The following PCDH15 variants were observed in gnomAD, a reference collection of about 807,000 sequenced individuals.
PCDH15 encodes protocadherin-15.
In PCDH15, 129 loss-of-function variants were observed where a neutral mutation model predicts 178.5. The ratio of observed to expected loss-of-function variants is 0.72; its 90% CI spans 0.63 to 0.84. The LOEUF is 0.84. PCDH15 is among the 40% of genes least tolerant of loss of function. PCDH15 has a pLI of 0.00. For missense variants in PCDH15, 2,230 were observed against 2,099.9 expected (o/e 1.06, Z -1.21); for synonymous variants, 800 against 732.0 (o/e 1.09, Z -1.50).
chr10:54,314,903 T>C (rs1399888583), intron 8 of PCDH15, among the ~76,000 whole-genome samples: 1 of 152,330 alleles, frequency 6.6e-6, no homozygotes, highest in East Asian at 1.9e-4. Flanking sequence ...TTCCATGTGG[T>C]ATATGTACAT....
intron 3 of PCDH15, among the ~76,000 whole-genome samples, chr10:54,469,047 G>A (rs538293007): frequency 2.0e-5 from 3 of 152,184 alleles, no homozygotes; most frequent in East Asian, 3.9e-4. Flanking sequence ...CAGGTGAGAT[G>A]TGTTCCTTGT....
chr10:55,506,514 T>C (rs985789075), intron 2 of PCDH15, among the ~76,000 whole-genome samples: 11 of 151,492 alleles, frequency 7.3e-5, no homozygotes, highest in Admixed American at 6.6e-4. Context: ...GTGTATTTGA[T>C]TGGAATACCA....
chr10:54,439,948 A>G (rs1487474940), intron 3 of PCDH15, among the ~76,000 whole-genome samples: 4 of 152,060 alleles, frequency 2.6e-5, no homozygotes, highest in African/African-American at 9.7e-5. Flanking sequence ...TTATCCTTAG[A>G]TTATCTAATA....
At chr10:54,542,005 T>C (rs1451582231) in intron 2 of PCDH15, among the ~76,000 whole-genome samples, 1 of 152,116 alleles carries the variant, frequency 6.6e-6, no homozygotes, top group Non-Finnish European at 1.5e-5. Flanking sequence ...AAAAGCAAAC[T>C]GTATGGATTA....
intron 34 of PCDH15, among the ~76,000 whole-genome samples, chr10:53,816,876 T>C (rs574969724): frequency 3.9e-5 from 6 of 152,338 alleles, no homozygotes; most frequent in African/African-American, 1.4e-4. Flanking sequence ...TTGGTAGGAA[T>C]TGCTTCCTGC....
intron 15 of PCDH15, among the ~76,000 whole-genome samples, chr10:54,130,283 C>T (rs779541164): frequency 2.0e-5 from 3 of 152,082 alleles, no homozygotes; most frequent in Non-Finnish European, 4.4e-5. Flanking sequence ...ATTTCTGTGG[C>T]ATAAATATGC....
At chr10:54,359,129 G>T (rs1488134735) in intron 5 of PCDH15, among the ~76,000 whole-genome samples, 1 of 151,756 alleles carries the variant, frequency 6.6e-6, no homozygotes, top group Non-Finnish European at 1.5e-5. Flanking sequence ...CCTGCACATT[G>T]TGCACATGTA....
At chr10:53,865,803 G>A (rs916259038) in intron 27 of PCDH15, among the ~76,000 whole-genome samples, 25 of 152,198 alleles carry the variant, frequency 1.6e-4, no homozygotes, top group Admixed American at 1.4e-3. Context: ...GGAACTAAAT[G>A]AGAAGAACTG....
intron 2 of PCDH15, among the ~76,000 whole-genome samples, chr10:55,457,725 T>G (rs1839585841): frequency 6.6e-6 from 1 of 152,076 alleles, no homozygotes; most frequent in Admixed American, 6.6e-5. Flanking sequence ...ATTATGATTC[T>G]TACAGAAAGA....
intron 8 of PCDH15, among the ~76,000 whole-genome samples, chr10:54,252,563 A>G (rs2056572674): frequency 6.6e-6 from 1 of 152,188 alleles, no homozygotes; most frequent in Non-Finnish European, 1.5e-5. Flanking sequence ...CATATATTTT[A>G]TAGCAGTCCA....
At chr10:54,070,249 G>T (rs745698137) in intron 17 of PCDH15, among the ~76,000 whole-genome samples, 4 of 152,152 alleles carry the variant, frequency 2.6e-5, no homozygotes, top group Non-Finnish European at 4.4e-5. Flanking sequence ...TGTCATTCAG[G>T]CTGGAGTGCA....
chr10:54,444,006 C>T (rs531541797), intron 3 of PCDH15, among the ~76,000 whole-genome samples: 13 of 151,742 alleles, frequency 8.6e-5, no homozygotes, highest in African/African-American at 2.9e-4. Context: ...ATGTCTTCCT[C>T]CTTGAAATAA....
chr10:55,142,165 T>C (rs1029787287), intron 2 of PCDH15, among the ~76,000 whole-genome samples: 4 of 152,172 alleles, frequency 2.6e-5, no homozygotes, highest in African/African-American at 9.6e-5. Context: ...TCTATATCTT[T>C]GTCTCAGAGC....
At chr10:54,419,395 C>A (rs2135783318) in intron 3 of PCDH15, among the ~76,000 whole-genome samples, 1 of 152,016 alleles carries the variant, frequency 6.6e-6, no homozygotes, top group East Asian at 1.9e-4. Context: ...TGTAGCTCTA[C>A]CTCTAATTCC....
intron 2 of PCDH15, among the ~76,000 whole-genome samples, chr10:55,155,151 C>T (rs1287113388): frequency 6.6e-6 from 1 of 151,904 alleles, no homozygotes; most frequent in Non-Finnish European, 1.5e-5. Flanking sequence ...TGAAATGGTC[C>T]AACATGATGA....
At chr10:54,952,154 C>A (rs200243343) in intron 2 of PCDH15, among the ~76,000 whole-genome samples, 1 of 151,854 alleles carries the variant, frequency 6.6e-6, no homozygotes, top group East Asian at 1.9e-4. Flanking sequence ...TTAAGTTTTA[C>A]ATTGGGGCCT....
chr10:54,326,096 C>G (rs1938013324), intron 7 of PCDH15, among the ~76,000 whole-genome samples: 1 of 152,140 alleles, frequency 6.6e-6, no homozygotes, highest in African/African-American at 2.4e-5. Context: ...ATTTGTAGCA[C>G]TGGCACTTTC....
At chr10:54,990,455 C>T (rs1839472820) in intron 2 of PCDH15, among the ~76,000 whole-genome samples, 1 of 152,142 alleles carries the variant, frequency 6.6e-6, no homozygotes, top group Non-Finnish European at 1.5e-5. Context: ...AGTTATTAGA[C>T]TCATCTATCT....
intron 16 of PCDH15, among the ~76,000 whole-genome samples, chr10:54,081,646 C>A (rs983640475): frequency 7.9e-5 from 12 of 152,030 alleles, no homozygotes; most frequent in Admixed American, 5.2e-4. Flanking sequence ...CGAGAAATAG[C>A]TCACAAAAAG....
Sources: gnomAD v4.1 joint callset for allele counts (sites outside exome capture counted in the v4.1 genomes callset) on GRCh38, gnomAD v4.1.1 for gene constraint, MANE v1.5 for transcripts, NCBI Gene and HGNC (gene_info 2026-07-23, HGNC 2026-07-21) for gene names.